MMD2: variants seen among roughly 807,000 people sequenced by gnomAD.
The protein encoded by MMD2 is monocyte to macrophage differentiation associated 2, also known as monocyte to macrophage differentiation factor 2.
MMD2 carries 30 observed loss-of-function variants against 33.5 expected under a neutral mutation model. That is an observed-to-expected ratio of 0.90 (90% confidence interval 0.67 to 1.22). MMD2 has a LOEUF of 1.22. MMD2 is among the 50% of genes most tolerant of loss of function. MMD2 has a pLI of 0.00. For synonymous variants in MMD2, 129 were observed against 123.0 expected (o/e 1.05, Z -0.32); for missense variants, 364 against 325.4 (o/e 1.12, Z -0.91).
intron 1 of MMD2, among the ~76,000 whole-genome samples, chr7:4,930,186 A>G (rs1045189108): frequency 2.7e-5 from 4 of 148,386 alleles, no homozygotes; most frequent in South Asian, 4.4e-4. Flanking sequence ...GGAGAATGGC[A>G]TGAACCCAGG....
At chr7:4,920,035 G>A (rs1046430576) in intron 3 of MMD2, 136 bp downstream of exon 3, 19 of 1,037,772 alleles carry the variant, frequency 1.8e-5, no homozygotes, top group Middle Eastern at 3.2e-4. Context: ...CTGCAAAGTC[G>A]CCCAGCCCAG....
intron 3 of MMD2, among the ~76,000 whole-genome samples, chr7:4,916,293 C>A (rs747585085): frequency 2.6e-5 from 4 of 151,360 alleles, no homozygotes; most frequent in Non-Finnish European, 5.9e-5. Flanking sequence ...CTAGGGGCTG[C>A]ATGGAGACAC....
chr7:4,930,723 G>A (rs1012413187), intron 1 of MMD2, among the ~76,000 whole-genome samples: 6 of 152,024 alleles, frequency 3.9e-5, no homozygotes, highest in Admixed American at 2.0e-4. Flanking sequence ...GCCATGTGAC[G>A]GTGGAGGCAG....
At position 4,914,052 on chromosome 7, in the gene MMD2, C is replaced by G. The variant is rs142425705; in HGVS notation, c.365+1953G>C. On this transcript the variant is annotated intron_variant, in intron 4 of 6. Coordinates refer to ENST00000401401, the MANE Select transcript of MMD2 (RefSeq NM_198403.4). ...CCAGGCTGGAGTGCAGTGGCACAAT[C>G]ATAGCTCACTGCAGCCTTGACTTCC... is the stretch of plus-strand genomic sequence containing the variant. Among the ~76,000 whole-genome samples the G allele has an allele frequency of 1.1e-4, 17 of 152,304 alleles. No individual in the cohort carries two copies. The East Asian group carries it at 3.3e-3, about 29-fold the overall frequency.
the MMD2 span, among the ~76,000 whole-genome samples, chr7:4,899,872 C>T: frequency 6.6e-6 from 1 of 152,144 alleles, no homozygotes; most frequent in Non-Finnish European, 1.5e-5. Context: ...CTGGCCCCAG[C>T]CAGGATGTAG....
chr7:4,923,779 A>G (rs1785346740), intron 2 of MMD2, among the ~76,000 whole-genome samples: 1 of 152,162 alleles, frequency 6.6e-6, no homozygotes, highest in African/African-American at 2.4e-5. Flanking sequence ...GGGACTTCAG[A>G]GATGAGCCAG....
chr7:4,933,510 G>T (rs1007406505), intron 1 of MMD2, among the ~76,000 whole-genome samples: 32 of 152,022 alleles, frequency 2.1e-4, no homozygotes, highest in African/African-American at 7.5e-4. Context: ...TGGCTTTGTT[G>T]TTGGGCAGGG....
chr7:4,932,265 C>T (rs1440902636), intron 1 of MMD2, among the ~76,000 whole-genome samples: 2 of 152,098 alleles, frequency 1.3e-5, no homozygotes, highest in Non-Finnish European at 1.5e-5. Context: ...GAGACAGGGC[C>T]GTGGGCAAAC....
the MMD2 span, among the ~76,000 whole-genome samples, chr7:4,895,217 C>A: frequency 3.3e-5 from 5 of 151,768 alleles, no homozygotes; most frequent in Non-Finnish European, 7.4e-5. Context: ...GCTGGGATTA[C>A]AGGCGACCAC....
Position 4,911,156 on chromosome 7 carries a change from G to A in MMD2, c.456C>T (p.Phe152=), listed in dbSNP as rs1281589569. ...CAGGCCTGGCTTACCGCTCATGGAA[G>A]AAGAAGACATAGATGGTGCCCACGG... is the stretch of plus-strand genomic sequence containing the variant. ...MASVGTIYVF[F]FHERYKLVEL... Residue 152 remains phenylalanine (F), a synonymous_variant, in exon 5 of 7, where the codon TTC becomes TTT. Coordinates refer to ENST00000401401, the MANE Select transcript of MMD2 (RefSeq NM_198403.4). 1.3e-6 allele frequency: 2 copies of A among 1,585,718 alleles called. No homozygotes were observed. Among genetic ancestry groups the A allele is most frequent in the Non-Finnish European group, 1.7e-6 (2 of 1,166,962 alleles).
chr7:4,898,609 C>T, the MMD2 span, among the ~76,000 whole-genome samples: 4 of 151,892 alleles, frequency 2.6e-5, no homozygotes, highest in African/African-American at 7.2e-5. Flanking sequence ...AGAAATGAGG[C>T]GTTTGGGCAG....
chr7:4,937,113 G>A (rs1423570397), intron 1 of MMD2, among the ~76,000 whole-genome samples: 2 of 150,360 alleles, frequency 1.3e-5, no homozygotes, highest in Non-Finnish European at 3.0e-5. Flanking sequence ...AGAAATTATT[G>A]TGGGCCGGGC....
chr7:4,920,551 C>T (rs916356378), intron 2 of MMD2, among the ~76,000 whole-genome samples: 1 of 149,100 alleles, frequency 6.7e-6, no homozygotes, highest in Admixed American at 6.7e-5. Flanking sequence ...CTTTCCCTTT[C>T]CTTCTTTCCT....
intron 1 of MMD2, among the ~76,000 whole-genome samples, chr7:4,929,681 C>T (rs1785524957): frequency 6.6e-6 from 1 of 151,882 alleles, no homozygotes; most frequent in South Asian, 2.1e-4. Context: ...CCCGCCACCA[C>T]ACTCGGCTAA....
intron 3 of MMD2, among the ~76,000 whole-genome samples, chr7:4,918,215 G>C (rs553151106): frequency 1.3e-5 from 2 of 152,276 alleles, no homozygotes; most frequent in South Asian, 4.1e-4. Context: ...AGTGTTTCTT[G>C]TTATTTTAAG....
At chr7:4,905,591 T>C (rs1242259587), downstream of MMD2, among the ~76,000 whole-genome samples, 1 of 151,934 alleles carries the variant, frequency 6.6e-6, no homozygotes, top group East Asian at 1.9e-4. This position sits in a 1 kb window ranked among gnomAD's most constrained non-coding sequence, Gnocchi z 5.0. Flanking sequence ...TCGCAGGATT[T>C]TATCTTGGCC....
At chr7:4,918,819 C>T (rs1785204512) in intron 3 of MMD2, among the ~76,000 whole-genome samples, 1 of 151,718 alleles carries the variant, frequency 6.6e-6, no homozygotes, top group Non-Finnish European at 1.5e-5. Flanking sequence ...CAAAACTAGC[C>T]AGGCACAGTG....
At chr7:4,898,769 C>T in the MMD2 span, among the ~76,000 whole-genome samples, 11 of 152,074 alleles carry the variant, frequency 7.2e-5, no homozygotes, top group East Asian at 5.8e-4. Flanking sequence ...CTCCATGGTA[C>T]GCATCTGTAA....
chr7:4,899,113 T>C, the MMD2 span, among the ~76,000 whole-genome samples: 1 of 152,046 alleles, frequency 6.6e-6, no homozygotes, highest in Non-Finnish European at 1.5e-5. Context: ...CATGTGTCAG[T>C]CATGGGAGGA....
Sources: allele counts gnomAD v4.1 joint callset (sites outside exome capture counted in the v4.1 genomes callset), GRCh38; gene constraint gnomAD v4.1.1; non-coding constraint Gnocchi (gnomAD v3.1); transcripts MANE v1.5; gene names NCBI Gene and HGNC (gene_info 2026-07-23, HGNC 2026-07-21).